Variants in SERGEF observed in about 807,000 individuals in gnomAD.
SERGEF encodes secretion-regulating guanine nucleotide exchange factor.
In SERGEF, 51 loss-of-function variants were observed where a neutral mutation model predicts 50.0. That is an observed-to-expected ratio of 1.02 (90% CI 0.81 to 1.29). The LOEUF is 1.29. Ranked by LOEUF, SERGEF falls within the 50% of genes most tolerant of loss-of-function variation. The pLI is 0.00. For synonymous variants in SERGEF, 205 were observed against 212.4 expected (o/e 0.97, Z 0.30); for missense variants, 521 against 557.0 (o/e 0.94, Z 0.65).
intron 8 of SERGEF, among the ~76,000 whole-genome samples, chr11:17,983,470 CT>C (rs1853531572): frequency 6.6e-6 from 1 of 152,152 alleles, no homozygotes. Flanking sequence ...GCTAATGTGT[CT>C]TTAAAAGACA....
intron 9 of SERGEF, among the ~76,000 whole-genome samples, chr11:17,948,851 G>C (rs1453788868): frequency 6.6e-6 from 1 of 152,172 alleles, no homozygotes; most frequent in East Asian, 1.9e-4. Context: ...AGATATCTCT[G>C]ATTCCTTCCA....
At chr11:17,895,951 T>C (rs991125911) in intron 9 of SERGEF, among the ~76,000 whole-genome samples, 7 of 152,244 alleles carry the variant, frequency 4.6e-5, no homozygotes, top group African/African-American at 1.2e-4. Context: ...CCAGACTTTA[T>C]AGCATCATAG....
intron 9 of SERGEF, among the ~76,000 whole-genome samples, chr11:17,945,072 A>C (rs1164680294): frequency 6.6e-6 from 1 of 152,244 alleles, no homozygotes; most frequent in Non-Finnish European, 1.5e-5. Flanking sequence ...AATGGCCTTA[A>C]ATAAGCCACT....
At chr11:17,965,241 C>A (rs757647587) in intron 8 of SERGEF, among the ~76,000 whole-genome samples, 2 of 152,218 alleles carry the variant, frequency 1.3e-5, no homozygotes, top group Non-Finnish European at 2.9e-5. Flanking sequence ...ATTTCCCCTG[C>A]TGGCTCTCAT....
At chr11:17,906,297 G>A (rs1444657499) in intron 9 of SERGEF, among the ~76,000 whole-genome samples, 6 of 152,188 alleles carry the variant, frequency 3.9e-5, no homozygotes, top group African/African-American at 1.4e-4. Flanking sequence ...GACAAAACCA[G>A]CTCTGCAAAG....
chr11:17,970,572 A>G (rs1402483631), intron 8 of SERGEF, among the ~76,000 whole-genome samples: 2 of 152,258 alleles, frequency 1.3e-5, no homozygotes, highest in African/African-American at 4.8e-5. Flanking sequence ...GGAGGAAGGT[A>G]TGTCAAAAGC....
rs577088955 is a variant in SERGEF, at chr11:17,912,786, AGCCCT to A, written c.1012-34547_1012-34543del. 2.7e-3 allele frequency among the ~76,000 whole-genome samples: 417 copies of A among 152,350 alleles called. 1 individual carries two copies. Among genetic ancestry groups the A allele is most frequent in the African/African-American group, 9.3e-3 (385 of 41,578 alleles). ...AATGTGTATACATTCCACCTAAGGC[AGCCCT>A]GACAAGTGGCCTCTCGGCTCCAGCT... On this transcript the variant is annotated intron_variant, in intron 9 of 10. Coordinates refer to ENST00000265965, the MANE Select transcript of SERGEF (RefSeq NM_012139.4).
chr11:17,800,198 A>G (rs967989709), intron 10 of SERGEF, among the ~76,000 whole-genome samples: 7 of 152,290 alleles, frequency 4.6e-5, no homozygotes, highest in African/African-American at 1.7e-4. Context: ...ATGTAGGTTC[A>G]TAGTAAAATT....
At chr11:17,943,624 C>G (rs1298562908) in intron 9 of SERGEF, among the ~76,000 whole-genome samples, 1 of 151,426 alleles carries the variant, frequency 6.6e-6, no homozygotes, top group East Asian at 1.9e-4. Flanking sequence ...ACTCTTTTTC[C>G]AACTTCTAAA....
intron 1 of SERGEF, among the ~76,000 whole-genome samples, chr11:18,009,118 C>T (rs957282750): frequency 5.3e-5 from 8 of 152,098 alleles, no homozygotes; most frequent in Non-Finnish European, 1.0e-4. Flanking sequence ...AATAATAATT[C>T]GCTCACCAGA....
intron 9 of SERGEF, among the ~76,000 whole-genome samples, chr11:17,928,436 A>G (rs1409123747): frequency 6.6e-6 from 1 of 152,158 alleles, no homozygotes; most frequent in Non-Finnish European, 1.5e-5. Context: ...CACAGACTGA[A>G]TATTTAGTGG....
In SERGEF at chr11:17,992,961, C is replaced by T. The variant is rs1340366470; in HGVS notation, c.655G>A (p.Ala219Thr). The T allele has an allele frequency of 1.9e-6, 3 of 1,614,134 alleles. No individual in the cohort carries two copies. Among genetic ancestry groups the T allele is most frequent in the Non-Finnish European group, 2.5e-6 (3 of 1,179,984 alleles). The change falls in exon 7 of 11, where the codon GCT becomes ACT. Residue 219 changes from alanine (A) to threonine (T), a missense_variant. Transcript: ENST00000265965. ...LENSKAMCVL[A>T]GSDHSASLTD... is the part of the protein sequence containing the mutation. ...AATGAAGCTGAGTGGTCTGAGCCAG[C>T]AAGAACACACATTGCTTTAGAATTC...
chr11:17,994,898 T>A (rs902111347), intron 6 of SERGEF, among the ~76,000 whole-genome samples: 1 of 151,952 alleles, frequency 6.6e-6, no homozygotes, highest in Non-Finnish European at 1.5e-5. Context: ...CTTCCCACCA[T>A]CCTCAAAAAT....
chr11:17,902,376 G>A (rs1431654758), intron 9 of SERGEF, among the ~76,000 whole-genome samples: 4 of 152,214 alleles, frequency 2.6e-5, no homozygotes, highest in Non-Finnish European at 4.4e-5. Context: ...GAAAGAGGGC[G>A]CAGACACCCG....
At position 17,788,238 on chromosome 11, in the gene SERGEF, C is replaced by T. The variant is rs759058741; in HGVS notation, c.1224G>A (p.Leu408=). 1.2e-6 allele frequency: 2 copies of T among 1,613,862 alleles called. No individual in the cohort carries two copies. Among genetic ancestry groups the T allele is most frequent in the Non-Finnish European group, 1.7e-6 (2 of 1,179,856 alleles). ...GGTAGGTGACCTTGGGGTCCTGGAC[C>T]AATGCAGGGTGAGCTGGCAGCTGGC... The part of the protein sequence containing the change: ...ALCQLPAHPA[L]VQDPKVTYLS... Residue 408 remains leucine, a synonymous_variant, in exon 11 of 11, where the codon TTG becomes TTA. Transcript: ENST00000265965.
At chr11:17,807,621 G>A (rs181810926) in intron 10 of SERGEF, among the ~76,000 whole-genome samples, 10 of 152,320 alleles carry the variant, frequency 6.6e-5, no homozygotes, top group Admixed American at 2.0e-4. Flanking sequence ...ATCTGCCGGC[G>A]TGGACCCTGG....
intron 10 of SERGEF, among the ~76,000 whole-genome samples, chr11:17,834,273 C>G (rs553823836): frequency 3.2e-4 from 48 of 152,176 alleles, no homozygotes; most frequent in African/African-American, 1.1e-3. Flanking sequence ...CTACCACCCA[C>G]GTAAGATGTG....
intron 10 of SERGEF, among the ~76,000 whole-genome samples, chr11:17,872,693 T>C (rs763726195): frequency 6.6e-6 from 1 of 152,246 alleles, no homozygotes; most frequent in Non-Finnish European, 1.5e-5. Flanking sequence ...GGTCATTCAC[T>C]ATAGCGTTGC....
At chr11:17,796,047 G>A (rs1849567580) in intron 10 of SERGEF, among the ~76,000 whole-genome samples, 1 of 152,058 alleles carries the variant, frequency 6.6e-6, no homozygotes, top group South Asian at 2.1e-4. Flanking sequence ...ATGTACAAAT[G>A]GAAAAGAATA....
Sources: gnomAD v4.1 joint callset for allele counts (sites outside exome capture counted in the v4.1 genomes callset) on GRCh38, gnomAD v4.1.1 for gene constraint, MANE v1.5 for transcripts, NCBI Gene and HGNC (gene_info 2026-07-23, HGNC 2026-07-21) for gene names.